The following PRSS35 variants were observed in gnomAD, a reference collection of about 807,000 sequenced individuals.
PRSS35 encodes inactive serine protease 35.
Under a neutral mutation model 8.1 loss-of-function variants are expected in PRSS35, and 7 were observed. The ratio of observed to expected loss-of-function variants is 0.86; its 90% confidence interval spans 0.49 to 1.62. The LOEUF (loss-of-function observed/expected upper bound fraction) is 1.62. Ranked by LOEUF, PRSS35 falls within the 40% of genes most tolerant of loss-of-function variation. The pLI, the probability that PRSS35 is intolerant of heterozygous loss-of-function variation, is 0.00. For synonymous variants in PRSS35, 199 were observed against 188.7 expected (o/e 1.05, Z -0.45); for missense variants, 566 against 518.0 (o/e 1.09, Z -0.90).
rs149332951 is a variant in PRSS35 at position 83,522,218 on chromosome 6, T to C, written c.-20-1204T>C. ...TTATACAAAGTACAAATCATTTGCT[T>C]AAGTCTTGATATTTTAACTATTAGT... On this transcript the variant is annotated intron_variant, in intron 1 of 1. Transcript: ENST00000369700. Among the ~76,000 whole-genome samples, 878 of 152,306 alleles carry C rather than the reference T, an allele frequency of 5.8e-3. 5 individuals carry two copies. The highest frequency in any genetic ancestry group is 0.02 in the African/African-American group (843 of 41,560).
intron 1 of PRSS35, among the ~76,000 whole-genome samples, chr6:83,521,777 C>G (rs947624776): frequency 6.6e-6 from 1 of 152,084 alleles, no homozygotes; most frequent in Admixed American, 6.6e-5. Context: ...GCTGGGATTA[C>G]AGGTGTGAGC....
Position 83,524,271 on chromosome 6 carries a change from A to G in PRSS35, c.830A>G (p.Tyr277Cys), listed in dbSNP as rs902837996. 4 of 1,614,042 alleles carry G rather than the reference A, an allele frequency of 2.5e-6. No individual in the cohort carries two copies. Among genetic ancestry groups the G allele is most frequent in the Middle Eastern group, 1.6e-4 (1 of 6,084 alleles). Residue 277 changes from tyrosine (Y) to cysteine (C), a missense_variant, in exon 2 of 2, where the codon TAT becomes TGT. Physicochemically the swap from Tyr to Cys is radical, Grantham distance 194 (BLOSUM62 -2). Transcript: ENST00000369700. ...GMGDATLDYD[Y>C]ALLELKRAHK... ...GGGGACGCTACCTTGGACTATGACTATGCTCTTCTGGAGCTGAAGCGTGCT... is the reference window on the plus strand; with the variant it reads ...GGGGACGCTACCTTGGACTATGACTGTGCTCTTCTGGAGCTGAAGCGTGCT...
chr6:83,515,391 A>G (rs1023208938), intron 1 of PRSS35, among the ~76,000 whole-genome samples: 4 of 151,940 alleles, frequency 2.6e-5, no homozygotes, highest in East Asian at 1.9e-4. Context: ...TTTTATCGTG[A>G]TCTTCTGTTT....
chr6:83,524,582 G>A lies in PRSS35; in HGVS notation c.1141G>A (p.Val381Ile), dbSNP rs751072274. The change falls in exon 2 of 2, where the codon GTT becomes ATT. Residue 381 changes from valine to isoleucine, a missense_variant. Transcript: ENST00000369700. ...SGHQWVDVHG[V>I]QKDYNVAVRI... Reference sequence around the variant, plus strand: ...GCACCAGTGGGTGGATGTCCACGGGGTTCAGAAGGACTACAACGTTGCTGT... The same window carrying A: ...GCACCAGTGGGTGGATGTCCACGGGATTCAGAAGGACTACAACGTTGCTGT... 4 of 1,614,152 alleles carry A rather than the reference G, an allele frequency of 2.5e-6. No homozygotes were observed. Among genetic ancestry groups the A allele is most frequent in the African/African-American group, 2.7e-5 (2 of 75,030 alleles).
intron 1 of PRSS35, among the ~76,000 whole-genome samples, chr6:83,514,716 T>TG (rs1562032352): frequency 6.6e-6 from 1 of 152,158 alleles, no homozygotes; most frequent in Non-Finnish European, 1.5e-5. Flanking sequence ...GTGGCACATT[T>TG]GGGGGACTAG....
At position 83,523,934 on chromosome 6, in the gene PRSS35, C is replaced by G; in HGVS notation, c.493C>G (p.Leu165Val). ...SGILISPQHVLTAAHCVHDGK... is the reference protein window; with the variant it reads ...SGILISPQHVVTAAHCVHDGK... ...CATTCTCATTTCCCCTCAGCATGTTCTAACTGCTGCCCACTGTGTTCATGA... is the reference window on the plus strand; with the variant it reads ...CATTCTCATTTCCCCTCAGCATGTTGTAACTGCTGCCCACTGTGTTCATGA... Residue 165 changes from leucine (L) to valine (V), a missense_variant, in exon 2 of 2, where the codon CTA becomes GTA. By Grantham distance (32) the Leu-to-Val change is conservative (BLOSUM62 1). Coordinates refer to ENST00000369700, the MANE Select transcript of PRSS35 (RefSeq NM_153362.3). 1 of 1,614,156 alleles carries G rather than the reference C, an allele frequency of 6.2e-7. No individual in the cohort carries two copies. The highest frequency in any genetic ancestry group is 8.5e-7 in the Non-Finnish European group (1 of 1,180,032).
chr6:83,523,610 A>G lies in PRSS35; in HGVS notation c.169A>G (p.Met57Val). 2 of 1,614,198 alleles carry G rather than the reference A, an allele frequency of 1.2e-6. No individual in the cohort carries two copies. The highest frequency in any genetic ancestry group is 2.2e-5 in the South Asian group (2 of 91,086). ...CGCATTTGAGGCAGATGCTAAGATG[A>G]TGGTAAATACAGTGTGTGGCATCGA... ...SPAFEADAKM[M>V]VNTVCGIECQ... Residue 57 changes from methionine to valine, a missense_variant, in exon 2 of 2, where the codon ATG (methionine) becomes GTG (valine). By Grantham distance (21) the Met-to-Val change is conservative. Transcript: ENST00000369700.
chr6:83,513,936 A>T (rs946036049), intron 1 of PRSS35, among the ~76,000 whole-genome samples: 86 of 152,304 alleles, frequency 5.6e-4, no homozygotes, highest in African/African-American at 2.0e-3. Flanking sequence ...GCATTTTAAC[A>T]GTAGGATCAG....
At chr6:83,520,224 C>T (rs930657593) in intron 1 of PRSS35, among the ~76,000 whole-genome samples, 3 of 152,098 alleles carry the variant, frequency 2.0e-5, no homozygotes, top group Non-Finnish European at 2.9e-5. Context: ...ATTTAAAACC[C>T]GGGTAAGCCA....
At chr6:83,517,775 A>G (rs1334618302) in intron 1 of PRSS35, among the ~76,000 whole-genome samples, 1 of 152,200 alleles carries the variant, frequency 6.6e-6, no homozygotes, top group Non-Finnish European at 1.5e-5. Flanking sequence ...GCAGATGGCT[A>G]AATAGAGGAC....
intron 1 of PRSS35, among the ~76,000 whole-genome samples, chr6:83,516,562 A>G (rs183406011): frequency 7.1e-4 from 96 of 135,358 alleles, no homozygotes; most frequent in African/African-American, 2.5e-3. Flanking sequence ...GGCGACTGAG[A>G]GAGACTGCGT....
chr6:83,524,284 G>C lies in PRSS35; in HGVS notation c.843G>C (p.Glu281Asp). 2 of 1,614,138 alleles carry C rather than the reference G, an allele frequency of 1.2e-6. No homozygotes were observed. The highest frequency in any genetic ancestry group is 1.7e-6 in the Non-Finnish European group (2 of 1,180,036). ...ATLDYDYALL[E>D]LKRAHKKKYM... The stretch of plus-strand genomic sequence containing the variant: ...TGGACTATGACTATGCTCTTCTGGA[G>C]CTGAAGCGTGCTCACAAAAAGAAAT... Residue 281 changes from glutamate (E) to aspartate (D), a missense_variant, in exon 2 of 2, where the codon GAG becomes GAC. Glu to Asp is a conservative substitution (Grantham distance 45, BLOSUM62 2). Coordinates refer to ENST00000369700, the MANE Select transcript of PRSS35 (RefSeq NM_153362.3).
chr6:83,519,286 C>T (rs1184269496), intron 1 of PRSS35, among the ~76,000 whole-genome samples: 1 of 152,152 alleles, frequency 6.6e-6, no homozygotes, highest in Non-Finnish European at 1.5e-5. Context: ...TGTGTGTATG[C>T]TGACTCACAG....
At chr6:83,521,710 C>T (rs2127713591) in intron 1 of PRSS35, among the ~76,000 whole-genome samples, 1 of 151,936 alleles carries the variant, frequency 6.6e-6, no homozygotes, top group Non-Finnish European at 1.5e-5. Flanking sequence ...GTATGTTGCC[C>T]AATCTGGTCT....
At chr6:83,517,252 AT>A (rs1486689541) in intron 1 of PRSS35, among the ~76,000 whole-genome samples, 1 of 152,204 alleles carries the variant, frequency 6.6e-6, no homozygotes, top group Non-Finnish European at 1.5e-5. Flanking sequence ...CTTAAGGTTG[AT>A]TTGGCTTCAA....
chr6:83,517,915 G>C (rs1771751763), intron 1 of PRSS35, among the ~76,000 whole-genome samples: 2 of 152,134 alleles, frequency 1.3e-5, no homozygotes, highest in South Asian at 4.1e-4. Flanking sequence ...CAGCCTCCCA[G>C]GAACTGTTTG....
chr6:83,524,047 T>C lies in PRSS35; in HGVS notation c.606T>C (p.Gly202=). 1 of 1,613,864 alleles carries C rather than the reference T, an allele frequency of 6.2e-7. No individual in the cohort carries two copies. The highest frequency in any genetic ancestry group is 8.5e-7 in the Non-Finnish European group (1 of 1,179,970). The change falls in exon 2 of 2, where the codon GGT becomes GGC. Residue 202 remains glycine (G), a synonymous_variant. Transcript: ENST00000369700. ...RNKSGGKKRR[G]SKRSRREASG... is the part of the protein sequence containing the mutation. ...AAAGTGGAGGCAAGAAACGTCGAGG[T>C]TCTAAGAGGAGCAGGAGAGAAGCTA... is the stretch of plus-strand genomic sequence containing the variant.
Position 83,524,603 on chromosome 6 carries a change from G to A in PRSS35, c.1162G>A (p.Ala388Thr), listed in dbSNP as rs749770191. ...CGGGGTTCAGAAGGACTACAACGTT[G>A]CTGTTCGCATCACTCCCCTAAAATA... Reference protein sequence around the residue: ...VHGVQKDYNVAVRITPLKYAQ... With the variant: ...VHGVQKDYNVTVRITPLKYAQ... Residue 388 changes from alanine to threonine, a missense_variant, in exon 2 of 2, where the codon GCT (alanine) becomes ACT (threonine). By Grantham distance (58) the Ala-to-Thr change is moderately conservative. Coordinates refer to ENST00000369700, the MANE Select transcript of PRSS35 (RefSeq NM_153362.3). 1 of 1,614,150 alleles carries A rather than the reference G, an allele frequency of 6.2e-7. No individual in the cohort carries two copies. Among genetic ancestry groups the A allele is most frequent in the African/African-American group, 1.3e-5 (1 of 75,046 alleles).
chr6:83,524,404 C>T lies in PRSS35; in HGVS notation c.963C>T (p.Val321=), dbSNP rs1187634902. 6.2e-7 allele frequency: 1 copy of T among 1,614,180 alleles called. No homozygotes were observed. The highest frequency in any genetic ancestry group is 8.5e-7 in the Non-Finnish European group (1 of 1,180,042). ...ATAACGATAGGGCTGATCAGTTGGT[C>T]TATCGGTTTTGCAGTGTGTCCGACG... is the stretch of plus-strand genomic sequence containing the variant. ...GFDNDRADQL[V]YRFCSVSDES... is the part of the protein sequence containing the mutation. Residue 321 remains valine (V), a synonymous_variant, in exon 2 of 2, where the codon GTC becomes GTT. Transcript: ENST00000369700.
Sources: allele counts gnomAD v4.1 joint callset (sites outside exome capture counted in the v4.1 genomes callset), GRCh38; gene constraint gnomAD v4.1.1; transcripts MANE v1.5; gene names NCBI Gene and HGNC (gene_info 2026-07-23, HGNC 2026-07-21).